RPS6KA2: variants seen among roughly 807,000 people sequenced by gnomAD.
RPS6KA2 encodes the protein ribosomal protein S6 kinase alpha-2.
RPS6KA2 carries 42 observed loss-of-function variants against 91.8 expected under a neutral mutation model. That is an observed-to-expected ratio of 0.46 (90% CI 0.36 to 0.59). The LOEUF (loss-of-function observed/expected upper bound fraction) is 0.59, where lower values mean the gene tolerates loss of function less well. Ranked by LOEUF, RPS6KA2 falls within the 20% of genes least tolerant of loss-of-function variation. RPS6KA2 has a pLI of 0.00. For synonymous variants in RPS6KA2, 414 were observed against 393.6 expected, an observed-to-expected ratio of 1.05 and a Z score of -0.61; for missense variants, 798 against 978.5, an observed-to-expected ratio of 0.82 and a Z score of 2.46.
intron 3 of RPS6KA2, among the ~76,000 whole-genome samples, chr6:166,523,669 C>A (rs139507060): frequency 6.6e-6 from 1 of 152,288 alleles, no homozygotes; most frequent in East Asian, 1.9e-4. Context: ...AATCTGAAAT[C>A]ATCCAAATGG....
upstream of RPS6KA2, among the ~76,000 whole-genome samples, chr6:166,631,712 C>T (rs539045394): frequency 6.6e-5 from 10 of 152,262 alleles, no homozygotes; most frequent in East Asian, 1.7e-3. Flanking sequence ...TCATGACTCC[C>T]AAACAGCGAG....
At chr6:166,442,142 A>G (rs1449628018) in intron 14 of RPS6KA2, among the ~76,000 whole-genome samples, 1 of 152,214 alleles carries the variant, frequency 6.6e-6, no homozygotes, top group Admixed American at 6.5e-5. Flanking sequence ...TTGGCTATTT[A>G]TCAAACAATG....
chr6:166,647,129 A>G (rs943206190), intron 2 of RPS6KA2, among the ~76,000 whole-genome samples: 1 of 151,828 alleles, frequency 6.6e-6, no homozygotes, highest in African/African-American at 2.4e-5. Flanking sequence ...CCGATCTCCC[A>G]GTTCACCATC....
At chr6:166,745,904 G>A (rs1005847349) in intron 2 of RPS6KA2, among the ~76,000 whole-genome samples, 3 of 152,216 alleles carry the variant, frequency 2.0e-5, no homozygotes, top group Admixed American at 2.0e-4. Context: ...ATTTGGAAAA[G>A]AGCTGTCAGG....
rs4709137 is a variant in RPS6KA2 at position 166,857,565 on chromosome 6, C to T, written c.123+635G>A. 0.028 allele frequency among the ~76,000 whole-genome samples: 4,325 copies of T among 152,340 alleles called. 332 individuals carry two copies. The East Asian group carries it at 0.31, about 11-fold the overall frequency. ...TATTAAAGTCTAAGTCTGTTTTCTGCTGCCTGGATCAGGCCCATGCTCCTG... is the reference window on the plus strand; with the variant it reads ...TATTAAAGTCTAAGTCTGTTTTCTGTTGCCTGGATCAGGCCCATGCTCCTG... On this transcript the variant is annotated intron_variant, in intron 2 of 21. Coordinates refer to the RPS6KA2 transcript ENST00000503859.
chr6:166,802,915 A>G (rs1335982757), intron 2 of RPS6KA2, among the ~76,000 whole-genome samples: 2 of 138,998 alleles, frequency 1.4e-5, no homozygotes, highest in Non-Finnish European at 3.1e-5. Flanking sequence ...ACCATAGATT[A>G]TATATAATGT....
intron 10 of RPS6KA2, among the ~76,000 whole-genome samples, chr6:166,482,834 A>T (rs567609593): frequency 9.8e-5 from 15 of 152,340 alleles, no homozygotes; most frequent in African/African-American, 3.4e-4. Context: ...GAGAGACATC[A>T]CATCCTATTG....
intron 2 of RPS6KA2, among the ~76,000 whole-genome samples, chr6:166,633,419 TTTGGATC>T (rs2046600304): frequency 6.6e-6 from 1 of 152,182 alleles, no homozygotes; most frequent in South Asian, 2.1e-4. Flanking sequence ...CTGGAAACAT[TTTGGATC>T]CTTGATAACA....
chr6:166,453,951 G>A lies in RPS6KA2; in HGVS notation c.1076-2718C>T, dbSNP rs552992362. ...ATTTTAAGTGAAACAACTCACACGT[G>A]GAAAGTCAAACATCGCATGTTCTCA... On this transcript the variant is annotated intron_variant, in intron 12 of 20. Transcript: ENST00000265678. Among the ~76,000 whole-genome samples, 6 of 152,304 alleles carry A rather than the reference G, an allele frequency of 3.9e-5. No homozygotes were observed. In the East Asian group the frequency reaches 1.2e-3, roughly 29 times the overall value.
chr6:166,701,408 T>C, intron 2 of RPS6KA2: 4 of 1,301,410 alleles, frequency 3.1e-6, no homozygotes, highest in Non-Finnish European at 3.3e-6. Context: ...GTTTTCTTCT[T>C]TCATTTTTCC....
rs1644159022 is a variant in RPS6KA2, at chr6:166,702,276, GAGACCCCT to G, written c.123+155916_123+155923del. On this transcript the variant is annotated intron_variant, in intron 2 of 21. Coordinates refer to the RPS6KA2 transcript ENST00000503859. Reference sequence around the variant, plus strand: ...GGTTTCTGCTTGGACACGGATCCTGGAGACCCCTGCCTTGAGGAGCCCCTCTGCCCAAG... The same window carrying G: ...GGTTTCTGCTTGGACACGGATCCTGGGCCTTGAGGAGCCCCTCTGCCCAAG... 16 of 1,613,404 alleles carry G rather than the reference GAGACCCCT, an allele frequency of 9.9e-6. No homozygotes were observed. The South Asian group carries it at 1.8e-4, about 18-fold the overall frequency.
chr6:166,499,317 C>A (rs771354733), intron 7 of RPS6KA2, among the ~76,000 whole-genome samples: 27 of 152,236 alleles, frequency 1.8e-4, no homozygotes, highest in Admixed American at 1.2e-3. Context: ...AGAGCCAAGG[C>A]AGGCCCAGCC....
At chr6:166,703,268 C>T (rs116632483) in intron 2 of RPS6KA2, among the ~76,000 whole-genome samples, 3 of 152,340 alleles carry the variant, frequency 2.0e-5, no homozygotes, top group African/African-American at 7.2e-5. Flanking sequence ...AATTATGTTA[C>T]TATGGGAACA....
intron 2 of RPS6KA2, among the ~76,000 whole-genome samples, chr6:166,744,934 T>A (rs1320880111): frequency 6.6e-6 from 1 of 152,118 alleles, no homozygotes; most frequent in Non-Finnish European, 1.5e-5. Context: ...TGCACTGGGC[T>A]GTATGAGTCA....
At chr6:166,634,076 C>T (rs1214820520) in intron 2 of RPS6KA2, among the ~76,000 whole-genome samples, 4 of 152,166 alleles carry the variant, frequency 2.6e-5, no homozygotes, top group East Asian at 1.9e-4. Context: ...GAGGGAATGA[C>T]GTTTGTTCTC....
chr6:166,572,090 A>G (rs1294637620), intron 1 of RPS6KA2, among the ~76,000 whole-genome samples: 1 of 152,258 alleles, frequency 6.6e-6, no homozygotes, highest in Non-Finnish European at 1.5e-5. Context: ...TTTTAAACAC[A>G]AAATTCTATG....
intron 1 of RPS6KA2, among the ~76,000 whole-genome samples, chr6:166,594,014 G>C (rs1433035452): frequency 6.6e-6 from 1 of 152,060 alleles, no homozygotes; most frequent in African/African-American, 2.4e-5. Flanking sequence ...AAAAGTGCAC[G>C]GACAATTCTG....
chr6:166,620,669 C>G (rs750468541), intron 1 of RPS6KA2, among the ~76,000 whole-genome samples: 109 of 152,194 alleles, frequency 7.2e-4, no homozygotes, highest in Admixed American at 4.9e-3. Context: ...GTGCAAGAAC[C>G]TTTACAGATA....
chr6:166,578,035 A>G (rs756986805), intron 1 of RPS6KA2, among the ~76,000 whole-genome samples: 2 of 152,130 alleles, frequency 1.3e-5, no homozygotes, highest in East Asian at 1.9e-4. Flanking sequence ...TCTTGCTGCC[A>G]CCATATAAGA....
Sources: gnomAD v4.1 joint callset for allele counts (sites outside exome capture counted in the v4.1 genomes callset) on GRCh38, gnomAD v4.1.1 for gene constraint, MANE v1.5 for transcripts, NCBI Gene and HGNC (gene_info 2026-07-23, HGNC 2026-07-21) for gene names.